Variants in NNT observed in about 807,000 individuals in gnomAD.
NNT encodes the protein nicotinamide nucleotide transhydrogenase.
Under a neutral mutation model 104.8 loss-of-function variants are expected in NNT, and 50 were observed. The observed-to-expected ratio is 0.48, with a 90% CI of 0.38 to 0.60. NNT has a LOEUF of 0.60. Among genes scored for constraint, NNT ranks in the 20% least tolerant of loss-of-function variants. The pLI is 0.00. For missense variants in NNT, 1,131 were observed against 1,330.7 expected, an observed-to-expected ratio of 0.85 and a Z score of 2.33; for synonymous variants, 461 against 490.4, an observed-to-expected ratio of 0.94 and a Z score of 0.79.
chr5:43,670,713 A>G (rs1421139572), intron 17 of NNT, among the ~76,000 whole-genome samples: 1 of 152,154 alleles, frequency 6.6e-6, no homozygotes, highest in Non-Finnish European at 1.5e-5. Flanking sequence ...TATGTGGTCA[A>G]TTTTGGAATA....
At chr5:43,670,006 T>C (rs1740960899) in intron 17 of NNT, among the ~76,000 whole-genome samples, 1 of 152,170 alleles carries the variant, frequency 6.6e-6, no homozygotes, top group Admixed American at 6.5e-5. Context: ...TGGTTTAGTC[T>C]TGGGAGGGTG....
chr5:43,629,763 T>C (rs1750579240), intron 7 of NNT, among the ~76,000 whole-genome samples: 1 of 152,216 alleles, frequency 6.6e-6, no homozygotes, highest in Non-Finnish European at 1.5e-5. Flanking sequence ...TCGTTGGCCA[T>C]TTGTATATCT....
At chr5:43,666,037 C>T (rs972844948) in intron 17 of NNT, among the ~76,000 whole-genome samples, 6 of 151,494 alleles carry the variant, frequency 4.0e-5, no homozygotes, top group African/African-American at 9.7e-5. Context: ...AGACGATGGG[C>T]GGCCGGGCAG....
At chr5:43,652,697 C>G (rs1323148806) in intron 13 of NNT, among the ~76,000 whole-genome samples, 1 of 152,120 alleles carries the variant, frequency 6.6e-6, no homozygotes, top group Non-Finnish European at 1.5e-5. Flanking sequence ...TCTTGTGGAT[C>G]TCATGACACT....
chr5:43,612,474 C>A (rs529509237), intron 2 of NNT, among the ~76,000 whole-genome samples: 2 of 152,152 alleles, frequency 1.3e-5, no homozygotes, highest in Non-Finnish European at 2.9e-5. Flanking sequence ...GTGTGGCAGG[C>A]CATCAAAGTG....
intron 7 of NNT, among the ~76,000 whole-genome samples, chr5:43,637,202 G>A (rs1750973503): frequency 6.6e-6 from 1 of 152,050 alleles, no homozygotes; most frequent in South Asian, 2.1e-4. Flanking sequence ...CAGAGTAGAG[G>A]GGTTGCTGTA....
At chr5:43,681,080 G>GA (rs1231522586) in intron 19 of NNT, among the ~76,000 whole-genome samples, 1 of 151,750 alleles carries the variant, frequency 6.6e-6, no homozygotes, top group Non-Finnish European at 1.5e-5. Flanking sequence ...CTAACATGGT[G>GA]AAACCCCGTC....
At chr5:43,671,656 G>T (rs1741098705) in intron 17 of NNT, among the ~76,000 whole-genome samples, 1 of 152,212 alleles carries the variant, frequency 6.6e-6, no homozygotes, top group Non-Finnish European at 1.5e-5. Flanking sequence ...GAGATCAGCT[G>T]TTAGTCTGAT....
chr5:43,606,777 T>C (rs1378119652), intron 1 of NNT, among the ~76,000 whole-genome samples: 2 of 152,160 alleles, frequency 1.3e-5, no homozygotes, highest in Admixed American at 6.5e-5. Flanking sequence ...TATTATTTGT[T>C]GACTTCTTAT....
chr5:43,606,039 A>C (rs1437248572), intron 1 of NNT, among the ~76,000 whole-genome samples: 1 of 152,218 alleles, frequency 6.6e-6, no homozygotes, highest in African/African-American at 2.4e-5. Flanking sequence ...TAGAGACTAA[A>C]ATGGCCTTTG....
rs374465445 is a variant in NNT, at chr5:43,656,757, A to G, written c.2398A>G (p.Ser800Gly). 150 of 1,614,038 alleles carry G rather than the reference A, an allele frequency of 9.3e-5. No individual in the cohort carries two copies. The highest frequency in any genetic ancestry group is 1.2e-4 in the Non-Finnish European group (140 of 1,180,010). ...GATAATCCCATTCATGGTGGACCCA[A>G]GCTTTACTACTGGCATCACCTGTCT... ...GGIIPFMVDP[S>G]FTTGITCLGS... Residue 800 changes from serine to glycine, a missense_variant, in exon 16 of 22, where the codon AGC becomes GGC. Physicochemically the swap from Ser to Gly is moderately conservative, Grantham distance 56. Coordinates refer to ENST00000344920, the MANE Select transcript of NNT (RefSeq NM_182977.3).
intron 7 of NNT, among the ~76,000 whole-genome samples, chr5:43,629,433 A>AT (rs1750558624): frequency 6.6e-6 from 1 of 152,176 alleles, no homozygotes; most frequent in Non-Finnish European, 1.5e-5. Flanking sequence ...GTGCTGCTAT[A>AT]AACATGTGTA....
intron 19 of NNT, among the ~76,000 whole-genome samples, chr5:43,686,587 G>GT (rs1300347225): frequency 6.6e-6 from 1 of 152,028 alleles, no homozygotes; most frequent in African/African-American, 2.4e-5. Flanking sequence ...AACCCAGTAA[G>GT]TGTTGACATT....
chr5:43,611,143 A>C (rs1362279331), intron 2 of NNT, among the ~76,000 whole-genome samples: 1 of 143,408 alleles, frequency 7.0e-6, no homozygotes, highest in African/African-American at 2.6e-5. Flanking sequence ...TTGTTCAAAG[A>C]GTGATCCAAA....
chr5:43,682,212 T>C (rs1298614054), intron 19 of NNT, among the ~76,000 whole-genome samples: 1 of 146,750 alleles, frequency 6.8e-6, no homozygotes, highest in Non-Finnish European at 1.5e-5. Flanking sequence ...TGGATTCTTT[T>C]TTTTTTTTTT....
chr5:43,645,533 T>C (rs1376048484), intron 10 of NNT, 23 bp downstream of exon 10: 12 of 1,450,218 alleles, frequency 8.3e-6, no homozygotes, highest in African/African-American at 4.4e-5. Context: ...TTTACCAGGG[T>C]TTAGTCTTGA....
intron 19 of NNT, among the ~76,000 whole-genome samples, chr5:43,678,788 G>A (rs1580101844): frequency 6.6e-6 from 1 of 152,124 alleles, no homozygotes; most frequent in African/African-American, 2.4e-5. Flanking sequence ...TAGTAGTGGT[G>A]AAAGAAACTT....
chr5:43,684,375 CT>C (rs916995064), intron 19 of NNT, among the ~76,000 whole-genome samples: 12 of 151,896 alleles, frequency 7.9e-5, no homozygotes, highest in African/African-American at 2.2e-4. Flanking sequence ...TAAATGAACA[CT>C]TTTTTTTCAC....
At chr5:43,661,697 G>A (rs1231862530) in intron 17 of NNT, among the ~76,000 whole-genome samples, 1 of 151,206 alleles carries the variant, frequency 6.6e-6, no homozygotes, top group Non-Finnish European at 1.5e-5. Context: ...TACTGAGAAT[G>A]ATGATTTCCA....
Sources: allele counts gnomAD v4.1 joint callset (sites outside exome capture counted in the v4.1 genomes callset), GRCh38; gene constraint gnomAD v4.1.1; transcripts MANE v1.5; gene names NCBI Gene and HGNC (gene_info 2026-07-23, HGNC 2026-07-21).